Variants in LINGO2 observed in about 807,000 individuals in gnomAD.
LINGO2 encodes the protein leucine-rich repeat and immunoglobulin-like domain-containing nogo receptor-interacting protein 2.
A neutral mutation model predicts 30.6 loss-of-function variants in LINGO2; 14 were observed. That is an observed-to-expected ratio of 0.46 (90% confidence interval 0.30 to 0.72). The LOEUF is 0.72. LINGO2 is among the 30% of genes least tolerant of loss of function. LINGO2 has a pLI of 0.07. For synonymous variants in LINGO2, 317 were observed against 288.5 expected (o/e 1.10, Z -1.00); for missense variants, 729 against 751.7 (o/e 0.97, Z 0.35).
intron 1 of LINGO2, among the ~76,000 whole-genome samples, chr9:28,593,463 C>T (rs1221970179): frequency 1.3e-5 from 2 of 151,976 alleles, no homozygotes; most frequent in African/African-American, 2.4e-5. Context: ...TGATCTTTTC[C>T]TACCTTCCAT....
intron 4 of LINGO2, among the ~76,000 whole-genome samples, chr9:28,158,146 C>A (rs997231590): frequency 2.0e-5 from 3 of 152,142 alleles, no homozygotes; most frequent in Admixed American, 6.5e-5. Flanking sequence ...CTGGGGAGAC[C>A]TCACAATCAC....
the LINGO2 span, among the ~76,000 whole-genome samples, chr9:28,815,541 G>T: frequency 6.6e-6 from 1 of 151,960 alleles, no homozygotes; most frequent in Admixed American, 6.6e-5. Context: ...ATACATGTTT[G>T]CACTCACCAA....
chr9:28,003,707 C>A (rs552484721), intron 5 of LINGO2, among the ~76,000 whole-genome samples: 1 of 152,142 alleles, frequency 6.6e-6, no homozygotes, highest in Non-Finnish European at 1.5e-5. Context: ...GTGATCCGCC[C>A]GCCTTGGCCT....
chr9:29,143,968 G>A, the LINGO2 span, among the ~76,000 whole-genome samples: 1 of 152,152 alleles, frequency 6.6e-6, no homozygotes, highest in East Asian at 1.9e-4. Flanking sequence ...AAGAGGTCCA[G>A]TGTCAATTTT....
the LINGO2 span, among the ~76,000 whole-genome samples, chr9:29,052,141 T>C: frequency 6.6e-6 from 1 of 152,150 alleles, no homozygotes; most frequent in Non-Finnish European, 1.5e-5. Context: ...TAGAATCTTA[T>C]TGTAAAACCT....
chr9:28,231,162 CA>C (rs71304829), intron 4 of LINGO2, among the ~76,000 whole-genome samples: 49 of 146,174 alleles, frequency 3.4e-4, no homozygotes, highest in South Asian at 1.1e-3. Flanking sequence ...GCTTAAGCCT[CA>C]AAAAAAAAAT....
intron 1 of LINGO2, chr9:28,599,426 T>C (rs1054434092): frequency 1.3e-5 from 2 of 152,170 alleles, no homozygotes; most frequent in Non-Finnish European, 2.9e-5. Context: ...TAAATGCTGT[T>C]TTAAATGGTT....
chr9:28,865,481 G>C, the LINGO2 span, among the ~76,000 whole-genome samples: 3 of 151,990 alleles, frequency 2.0e-5, no homozygotes, highest in Admixed American at 2.0e-4. Flanking sequence ...TTTGACATGG[G>C]TTTAAAAACA....
At chr9:27,970,616 CT>C (rs1820308783) in intron 5 of LINGO2, among the ~76,000 whole-genome samples, 1 of 152,054 alleles carries the variant, frequency 6.6e-6, no homozygotes, top group East Asian at 1.9e-4. Context: ...AAGAGTGATG[CT>C]TATGAAGTCT....
chr9:29,050,260 A>T, the LINGO2 span, among the ~76,000 whole-genome samples: 2 of 152,092 alleles, frequency 1.3e-5, no homozygotes, highest in Non-Finnish European at 2.9e-5. Context: ...CCTGACCTCA[A>T]GTGATCCACC....
At chr9:27,963,431 A>G (rs979945634) in intron 5 of LINGO2, among the ~76,000 whole-genome samples, 1 of 152,132 alleles carries the variant, frequency 6.6e-6, no homozygotes, top group Non-Finnish European at 1.5e-5. Context: ...TTAAGCAACC[A>G]TTATTTTTAA....
intron 2 of LINGO2, among the ~76,000 whole-genome samples, chr9:28,396,504 A>G (rs2134717153): frequency 6.6e-6 from 1 of 152,102 alleles, no homozygotes; most frequent in Admixed American, 6.5e-5. Context: ...GGAGATCAAG[A>G]CCATCCAGGC....
chr9:29,055,666 C>A, the LINGO2 span, among the ~76,000 whole-genome samples: 2 of 152,024 alleles, frequency 1.3e-5, no homozygotes, highest in East Asian at 1.9e-4. Context: ...ACCCACCACC[C>A]AAGCAGTGTA....
chr9:28,651,073 C>A (rs1370852336), intron 1 of LINGO2, among the ~76,000 whole-genome samples: 6 of 151,860 alleles, frequency 4.0e-5, no homozygotes, highest in Admixed American at 3.3e-4. Flanking sequence ...CACCTGTAAT[C>A]CCAGCTTCTC....
chr9:28,196,309 T>G (rs1206592188), intron 4 of LINGO2, among the ~76,000 whole-genome samples: 2 of 151,600 alleles, frequency 1.3e-5, no homozygotes, highest in Non-Finnish European at 3.0e-5. Context: ...AAATAAATAA[T>G]GTAATTATCA....
chr9:27,969,763 C>T (rs560351421), intron 5 of LINGO2, among the ~76,000 whole-genome samples: 1 of 152,086 alleles, frequency 6.6e-6, no homozygotes, highest in African/African-American at 2.4e-5. Context: ...TGGCATTATT[C>T]CTATCCCTTT....
chr9:28,134,824 A>G (rs1009517059), intron 4 of LINGO2, among the ~76,000 whole-genome samples: 2 of 152,214 alleles, frequency 1.3e-5, no homozygotes, highest in Non-Finnish European at 2.9e-5. Flanking sequence ...GTTTATGACA[A>G]CGGCAGTGAA....
chr9:28,611,987 A>AT lies in LINGO2; in HGVS notation c.-365+58212dup, dbSNP rs540870289. ...AGGTGCCAGCCACCATGCCTGGCTA[A>AT]TTTTTTGTATTCTTAGTAGAGACAG... On this transcript the variant is annotated intron_variant, in intron 1 of 5. Coordinates refer to ENST00000379992, the Ensembl canonical transcript of LINGO2. Among the ~76,000 whole-genome samples, 25 of 151,784 alleles carry AT rather than the reference A, an allele frequency of 1.6e-4. No homozygotes were observed. In the South Asian group the frequency reaches 5.0e-3, roughly 30 times the overall value.
the LINGO2 span, among the ~76,000 whole-genome samples, chr9:28,815,656 C>A: frequency 5.8e-4 from 89 of 152,226 alleles, no homozygotes; most frequent in African/African-American, 2.0e-3. Context: ...GCACTAGTAC[C>A]AATACAACAA....
Sources: gnomAD v4.1 joint callset for allele counts (sites outside exome capture counted in the v4.1 genomes callset) on GRCh38, gnomAD v4.1.1 for gene constraint, MANE v1.5 for transcripts, NCBI Gene and HGNC (gene_info 2026-07-23, HGNC 2026-07-21) for gene names.